The following OSTM1 variants were observed in gnomAD, a reference collection of about 807,000 sequenced individuals.
OSTM1 encodes the protein osteoclastogenesis associated transmembrane protein 1, also known as osteopetrosis-associated transmembrane protein 1.
In OSTM1, 26 loss-of-function variants were observed where a neutral mutation model predicts 35.4. The ratio of observed to expected loss-of-function variants is 0.73; its 90% CI spans 0.54 to 1.02. The LOEUF (loss-of-function observed/expected upper bound fraction) is 1.02, where lower values mean the gene tolerates loss of function less well. OSTM1 is among the 50% of genes least tolerant of loss of function. The pLI, the probability that OSTM1 is intolerant of heterozygous loss-of-function variation, is 0.00. For missense variants in OSTM1, 366 were observed against 409.6 expected (o/e 0.89, Z 0.92); for synonymous variants, 181 against 165.0 (o/e 1.10, Z -0.75).
intron 1 of OSTM1, among the ~76,000 whole-genome samples, chr6:108,065,897 G>A (rs189085253): frequency 1.1e-4 from 17 of 152,232 alleles, no homozygotes; most frequent in Admixed American, 5.2e-4. Flanking sequence ...GGAACAGTTC[G>A]GTTCAGGAAG....
At chr6:108,050,097 T>A (rs542441098) in intron 4 of OSTM1, among the ~76,000 whole-genome samples, 13 of 151,876 alleles carry the variant, frequency 8.6e-5, no homozygotes, top group Admixed American at 2.0e-4. Context: ...GAAAAAAAAA[T>A]TTTTTTTGAC....
At position 108,074,707 on chromosome 6, in the gene OSTM1, A is replaced by ACCGCGGACAGCCGCCG. The variant is rs1038237700; in HGVS notation, c.-72_-57dup. Reference sequence around the variant, plus strand: ...CGCCGCCTCTCCGCCCCCAGCCGGCACCGCGGACAGCCGCCGCTTCCGGTT... The same window carrying ACCGCGGACAGCCGCCG: ...CGCCGCCTCTCCGCCCCCAGCCGGCACCGCGGACAGCCGCCGCCGCGGACAGCCGCCGCTTCCGGTT... On this transcript the variant is annotated 5_prime_UTR_variant, in exon 1 of 6. Coordinates refer to ENST00000193322, the MANE Select transcript of OSTM1 (RefSeq NM_014028.4). 9.7e-6 allele frequency: 14 copies of ACCGCGGACAGCCGCCG among 1,448,032 alleles called. No individual in the cohort carries two copies. The African/African-American group carries it at 1.5e-4, about 15-fold the overall frequency. The allele number at this position is 1,448,032 out of a possible 1,614,324, so 89.7% of individuals were successfully genotyped here.
At position 108,074,613 on chromosome 6, in the gene OSTM1, C is replaced by T; in HGVS notation, c.39G>A (p.Ser13=). 6.4e-7 allele frequency: 1 copy of T among 1,564,620 alleles called. No individual in the cohort carries two copies. The highest frequency in any genetic ancestry group is 1.8e-5 in the Admixed American group (1 of 55,190). The part of the protein sequence containing the change: ...PGPTAAQRRC[S]LPPWLPLGLL... ...GCCCCAGCGGCAGCCACGGCGGCAACGAACACCTCCGCTGCGCGGCTGTCG... is the reference window on the plus strand; with the variant it reads ...GCCCCAGCGGCAGCCACGGCGGCAATGAACACCTCCGCTGCGCGGCTGTCG... The change falls in exon 1 of 6, where the codon TCG becomes TCA. Residue 13 remains serine, a synonymous_variant. Transcript: ENST00000193322.
At chr6:108,063,091 C>T (rs1772311455) in intron 2 of OSTM1, among the ~76,000 whole-genome samples, 1 of 151,952 alleles carries the variant, frequency 6.6e-6, no homozygotes, top group South Asian at 2.1e-4. Context: ...TATCTCACTG[C>T]ATCCTTGAAT....
Position 108,049,257 on chromosome 6 carries a change from A to G in OSTM1, c.945T>C (p.Ile315=). ...AAATAATTGTAAAAAACTTACGCAG[A>G]ATGAGTTTGCGTTTCTTTTGCTCTG... ...LHSEQKKRKL[I]LPKRLKSSTS... The change falls in exon 5 of 6, where the codon ATT becomes ATC. Residue 315 remains isoleucine (I), a synonymous_variant. Coordinates refer to ENST00000193322, the MANE Select transcript of OSTM1 (RefSeq NM_014028.4). The G allele has an allele frequency of 6.2e-7, 1 of 1,607,510 alleles. No homozygotes were observed. Among genetic ancestry groups the G allele is most frequent in the Non-Finnish European group, 8.5e-7 (1 of 1,174,526 alleles).
At chr6:108,064,600 T>C (rs952497364) in intron 1 of OSTM1, among the ~76,000 whole-genome samples, 1 of 152,222 alleles carries the variant, frequency 6.6e-6, no homozygotes, top group Non-Finnish European at 1.5e-5. Flanking sequence ...GCTATGCAAA[T>C]AATAAATCCA....
At chr6:108,066,362 C>T (rs9374017) in intron 1 of OSTM1, among the ~76,000 whole-genome samples, 41,874 of 151,970 alleles carry the variant, frequency 0.28, 6,165 homozygotes, top group Admixed American at 0.45. Context: ...TTACCAGTTC[C>T]AAATGTTCCA....
chr6:108,063,554 T>C (rs191668451), intron 2 of OSTM1, among the ~76,000 whole-genome samples: 5 of 152,354 alleles, frequency 3.3e-5, no homozygotes, highest in African/African-American at 1.2e-4. Context: ...TAGTTGGTAT[T>C]CAAAACATCA....
chr6:108,068,293 C>T (rs1772415562), intron 1 of OSTM1, among the ~76,000 whole-genome samples: 1 of 152,106 alleles, frequency 6.6e-6, no homozygotes. Context: ...TTTCAAATGC[C>T]ATTTTTATGC....
chr6:108,073,480 T>C (rs1235956622), intron 1 of OSTM1, among the ~76,000 whole-genome samples: 3 of 152,220 alleles, frequency 2.0e-5, no homozygotes, highest in Admixed American at 6.5e-5. Context: ...AGAGAACCCT[T>C]AAGGTATGAA....
Position 108,043,406 on chromosome 6 carries a change from A to T in OSTM1, c.*1379T>A, listed in dbSNP as rs1771906183. ...ACTCCACATAAACAGTAAACATAAAAGAAAAAAGAAACACTTTGTCTCCCT... is the reference window on the plus strand; with the variant it reads ...ACTCCACATAAACAGTAAACATAAATGAAAAAAGAAACACTTTGTCTCCCT... On this transcript the variant is annotated 3_prime_UTR_variant, in exon 6 of 6. Coordinates refer to ENST00000193322, the MANE Select transcript of OSTM1 (RefSeq NM_014028.4). The T allele has an allele frequency of 6.6e-6, 1 of 152,230 alleles. No homozygotes were observed. The highest frequency in any genetic ancestry group is 2.1e-4 in the South Asian group (1 of 4,830). The allele number at this position is 152,230 out of a possible 1,614,324, so 9.4% of individuals were successfully genotyped here.
chr6:108,049,241 T>TA lies in OSTM1; in HGVS notation c.949+11dup. The TA allele has an allele frequency of 6.3e-7, 1 of 1,586,204 alleles. No homozygotes were observed. Among genetic ancestry groups the TA allele is most frequent in the East Asian group, 2.3e-5 (1 of 43,822 alleles). On this transcript the variant is annotated intron_variant, in intron 5 of 5. Transcript: ENST00000193322. ...CTTTTATCTATAAAATAAATAATTG[T>TA]AAAAAACTTACGCAGAATGAGTTTG...
chr6:108,071,460 A>ATTTTTT (rs545759140), intron 1 of OSTM1, among the ~76,000 whole-genome samples: 181 of 103,264 alleles, frequency 1.8e-3, no homozygotes, highest in Non-Finnish European at 2.3e-3. Context: ...CACCCGGCTA[A>ATTTTTT]TTTTTTTTTT....
rs1771881869 is a variant in OSTM1 at position 108,042,315 on chromosome 6, A to ATATCTGAT, written c.*2462_*2469dup. 6.6e-6 allele frequency: 1 copy of ATATCTGAT among 150,380 alleles called. No individual in the cohort carries two copies. Among genetic ancestry groups the ATATCTGAT allele is most frequent in the South Asian group, 2.1e-4 (1 of 4,802 alleles). 9.3% of individuals were successfully genotyped at this position (150,380 alleles called of 1,614,324 possible). A position where few individuals can be genotyped will look rare whatever the true frequency, so the allele number is the denominator to read the frequency against. On this transcript the variant is annotated 3_prime_UTR_variant, in exon 6 of 6. Transcript: ENST00000193322. ...TAATTATAAAAAAAAAAGAAAAAAT[A>ATATCTGAT]TATCTGATGTTATTTCTATCTCTCA...
chr6:108,048,803 G>A (rs1022292336), intron 5 of OSTM1, among the ~76,000 whole-genome samples: 4 of 144,314 alleles, frequency 2.8e-5, no homozygotes, highest in Admixed American at 7.1e-5. Context: ...CCAGGCTGGC[G>A]TGCAGTGGTG....
At chr6:108,050,795 T>C (rs1772062650) in intron 4 of OSTM1, among the ~76,000 whole-genome samples, 2 of 152,214 alleles carry the variant, frequency 1.3e-5, no homozygotes, top group African/African-American at 2.4e-5. Context: ...AACTCACTTA[T>C]GAAGTACCTA....
In OSTM1 at chr6:108,074,255, C is replaced by T. The variant is rs199763043; in HGVS notation, c.397G>A (p.Ala133Thr). 6.2e-7 allele frequency: 1 copy of T among 1,612,162 alleles called. No individual in the cohort carries two copies. ...GGACGTGGTCCTGTACCCACCCCCG[C>T]GGCTCGGCTGATGTTGTCCATCTTG... ...VSKMDNISRA[A>T]GNTSESQSCA... The change falls in exon 1 of 6, where the codon GCG becomes ACG. Residue 133 changes from alanine (A) to threonine (T), a missense_variant. Coordinates refer to ENST00000193322, the MANE Select transcript of OSTM1 (RefSeq NM_014028.4).
intron 2 of OSTM1, among the ~76,000 whole-genome samples, chr6:108,058,280 C>G (rs992099308): frequency 6.6e-6 from 1 of 152,024 alleles, no homozygotes; most frequent in Non-Finnish European, 1.5e-5. Flanking sequence ...TTACAAAGAT[C>G]TTTGCTGTTT....
At chr6:108,049,697 A>T (rs1372133092) in intron 4 of OSTM1, 1 of 421,112 alleles carries the variant, frequency 2.4e-6, no homozygotes, top group Admixed American at 4.2e-5. Context: ...ACATTCAAAC[A>T]AAGAACTTAT....
Sources: gnomAD v4.1 joint callset for allele counts (sites outside exome capture counted in the v4.1 genomes callset) on GRCh38, gnomAD v4.1.1 for gene constraint, MANE v1.5 for transcripts, NCBI Gene and HGNC (gene_info 2026-07-23, HGNC 2026-07-21) for gene names.